The following RELN variants were observed in gnomAD, a reference collection of about 807,000 sequenced individuals.
RELN encodes the protein reelin.
RELN carries 108 observed loss-of-function variants against 427.6 expected under a neutral mutation model. The observed-to-expected ratio is 0.25, with a 90% CI of 0.22 to 0.30. The LOEUF (loss-of-function observed/expected upper bound fraction) is 0.30. RELN is among the 10% of genes least tolerant of loss of function. RELN has a pLI of 1.00. For synonymous variants in RELN, 1,524 were observed against 1,513.4 expected (o/e 1.01, Z -0.16); for missense variants, 3,715 against 4,302.8 (o/e 0.86, Z 3.82).
intron 28 of RELN, among the ~76,000 whole-genome samples, chr7:103,582,772 G>A (rs1053547931): frequency 2.6e-5 from 4 of 152,224 alleles, no homozygotes; most frequent in Non-Finnish European, 4.4e-5. Flanking sequence ...AGAACTTTAT[G>A]AATAAGACAC....
At position 103,617,558 on chromosome 7, in the gene RELN, G is replaced by GTA. The variant is rs886385279; in HGVS notation, c.2703-5757_2703-5756dup. 6.0e-5 allele frequency among the ~76,000 whole-genome samples: 9 copies of GTA among 151,174 alleles called. No homozygotes were observed. In the East Asian group the frequency reaches 9.7e-4, roughly 16 times the overall value. On this transcript the variant is annotated intron_variant, in intron 20 of 64. Coordinates refer to ENST00000428762, the MANE Select transcript of RELN (RefSeq NM_005045.4). Reference sequence around the variant, plus strand: ...TATGTGTATATATGTGTAGATATATGTATATATATGTGTGTATATATATTC... The same window carrying GTA: ...TATGTGTATATATGTGTAGATATATGTATATATATATGTGTGTATATATATTC...
chr7:103,650,141 G>T lies in RELN; in HGVS notation c.2002+133C>A. The T allele has an allele frequency of 7.0e-6, 5 of 716,562 alleles. No individual in the cohort carries two copies. In the East Asian group the frequency reaches 1.3e-4, roughly 19 times the overall value. 44.4% of individuals were successfully genotyped at this position (716,562 alleles called of 1,614,324 possible). On this transcript the variant is annotated intron_variant, in intron 16 of 64. Coordinates refer to ENST00000428762, the MANE Select transcript of RELN (RefSeq NM_005045.4). ...TAGGCTTCTAACAGAATGCAAAGGA[G>T]AAATGGAAGAAAGGGTGTTTAATGA...
In RELN at chr7:103,953,879, T is replaced by C. The variant is rs1014390002; in HGVS notation, c.226+35252A>G. ...CCCAGGAGGCAGAGGCTGCAATGAG[T>C]CAAGACCGTGCCACTACATGCCAGG... On this transcript the variant is annotated intron_variant, in intron 1 of 64. Transcript: ENST00000428762. The surrounding 1 kb of genome is among the most constrained non-coding windows in gnomAD (Gnocchi z 4.3). 6.7e-6 allele frequency among the ~76,000 whole-genome samples: 1 copy of C among 149,936 alleles called. No individual in the cohort carries two copies. The highest frequency in any genetic ancestry group is 1.5e-5 in the Non-Finnish European group (1 of 67,428).
At chr7:103,538,873 C>T (rs532152972) in intron 45 of RELN, among the ~76,000 whole-genome samples, 1 of 152,276 alleles carries the variant, frequency 6.6e-6, no homozygotes, top group South Asian at 2.1e-4. Flanking sequence ...AATAAGCTCA[C>T]ATTCTATTGC....
At position 103,603,193 on chromosome 7, in the gene RELN, G is replaced by T; in HGVS notation, c.3333+111C>A. 1 of 891,544 alleles carries T rather than the reference G, an allele frequency of 1.1e-6. No individual in the cohort carries two copies. The highest frequency in any genetic ancestry group is 1.9e-6 in the Non-Finnish European group (1 of 529,614). 55.2% of individuals were successfully genotyped at this position (891,544 alleles called of 1,614,324 possible). Reference sequence around the variant, plus strand: ...GGAATTTGATAGAGCCCACTCAAAAGCGGGGAACGTGGGGAACAATAGAAC... The same window carrying T: ...GGAATTTGATAGAGCCCACTCAAAATCGGGGAACGTGGGGAACAATAGAAC... On this transcript the variant is annotated intron_variant, in intron 24 of 64. Transcript: ENST00000428762. The surrounding 1 kb of genome is among the most constrained non-coding windows in gnomAD (Gnocchi z 4.3).
intron 41 of RELN, among the ~76,000 whole-genome samples, chr7:103,550,682 T>C (rs1274353965): frequency 6.7e-6 from 1 of 149,984 alleles, no homozygotes; most frequent in Non-Finnish European, 1.5e-5. Flanking sequence ...CTATATACAC[T>C]CTCCCTGCAT....
Position 103,636,480 on chromosome 7 carries a change from A to G in RELN, c.2070-12T>C, listed in dbSNP as rs751212996. 6.5e-7 allele frequency: 1 copy of G among 1,544,052 alleles called. No homozygotes were observed. Among genetic ancestry groups the G allele is most frequent in the Non-Finnish European group, 8.9e-7 (1 of 1,117,534 alleles). ...ATCCAGGGTCACACCTGAAAGAAAT[A>G]TGGTGAAATTAAATCTTAAACTGTT... On this transcript the variant is annotated splice_polypyrimidine_tract_variant and intron_variant, in intron 17 of 64. Transcript: ENST00000428762.
At chr7:103,679,940 C>T (rs1264746310) in intron 11 of RELN, among the ~76,000 whole-genome samples, 1 of 152,126 alleles carries the variant, frequency 6.6e-6, no homozygotes, top group Non-Finnish European at 1.5e-5. Flanking sequence ...CAAGTCTCCA[C>T]AAGTGTTACT....
chr7:103,746,459 C>T (rs1790834253), intron 6 of RELN, among the ~76,000 whole-genome samples: 1 of 151,768 alleles, frequency 6.6e-6, no homozygotes. Flanking sequence ...GCAAAAGAAA[C>T]TACTATCAGA....
chr7:103,940,243 G>T (rs187015373), intron 1 of RELN, among the ~76,000 whole-genome samples: 1 of 152,150 alleles, frequency 6.6e-6, no homozygotes, highest in Admixed American at 6.6e-5. Flanking sequence ...GTTGCCTAGG[G>T]CTACATGACC....
chr7:103,765,376 A>T (rs1210834403), intron 4 of RELN, among the ~76,000 whole-genome samples: 1 of 152,106 alleles, frequency 6.6e-6, no homozygotes, highest in Admixed American at 6.6e-5. Context: ...TAACAATGGG[A>T]TGGGAGACTG....
At position 103,481,130 on chromosome 7, in the gene RELN, C is replaced by T. The variant is rs185574719; in HGVS notation, c.10280+1743G>A. Among the ~76,000 whole-genome samples the T allele has an allele frequency of 9.5e-4, 144 of 152,286 alleles. 1 individual carries two copies. Among genetic ancestry groups the T allele is most frequent in the Non-Finnish European group, 1.3e-3 (87 of 68,022 alleles). Reference sequence around the variant, plus strand: ...CCAATATGTGAAGGGGTTGCTTTTACACTGGCTGGTATATTGGTGCCTCTG... The same window carrying T: ...CCAATATGTGAAGGGGTTGCTTTTATACTGGCTGGTATATTGGTGCCTCTG... On this transcript the variant is annotated intron_variant, in intron 63 of 64. Coordinates refer to ENST00000428762, the MANE Select transcript of RELN (RefSeq NM_005045.4).
intron 11 of RELN, among the ~76,000 whole-genome samples, chr7:103,669,527 C>G (rs1833344654): frequency 6.6e-6 from 1 of 152,142 alleles, no homozygotes. Context: ...TCCCAATTTA[C>G]AAGGTCACAA....
At chr7:103,787,943 C>T (rs1226159288) in intron 3 of RELN, among the ~76,000 whole-genome samples, 2 of 152,168 alleles carry the variant, frequency 1.3e-5, no homozygotes, top group African/African-American at 4.8e-5. Context: ...CAATAAAATA[C>T]TGGCAAACCG....
At chr7:103,886,989 G>A (rs1314884729) in intron 2 of RELN, among the ~76,000 whole-genome samples, 1 of 152,120 alleles carries the variant, frequency 6.6e-6, no homozygotes, top group East Asian at 1.9e-4. Flanking sequence ...CCAGCACAAA[G>A]TGATTTTCTG....
chr7:103,851,468 C>A (rs955217417), intron 2 of RELN, among the ~76,000 whole-genome samples: 1 of 152,020 alleles, frequency 6.6e-6, no homozygotes, highest in Non-Finnish European at 1.5e-5. Context: ...CCACTTGTAC[C>A]CCATTAATTT....
chr7:103,494,393 G>GTGTGTGTGTGT (rs60783765), intron 57 of RELN, among the ~76,000 whole-genome samples: 1 of 150,874 alleles, frequency 6.6e-6, no homozygotes, highest in Non-Finnish European at 1.5e-5. Flanking sequence ...GTGTGTGTGT[G>GTGTGTGTGTGT]GGATATGGTC....
rs545672142 is a variant in RELN, at chr7:103,708,612, C to A, written c.806-7606G>T. Among the ~76,000 whole-genome samples, 11 of 151,772 alleles carry A rather than the reference C, an allele frequency of 7.2e-5. No homozygotes were observed. The South Asian group carries it at 1.5e-3, about 20-fold the overall frequency. On this transcript the variant is annotated intron_variant, in intron 8 of 64. Transcript: ENST00000428762. ...CCAAGTAGCTGGGACTACAGGCGCCCGCCAACACGCCCGGCTAATTTTTTG... is the reference window on the plus strand; with the variant it reads ...CCAAGTAGCTGGGACTACAGGCGCCAGCCAACACGCCCGGCTAATTTTTTG...
chr7:103,586,657 T>G (rs1054774277), intron 28 of RELN, among the ~76,000 whole-genome samples: 2 of 152,114 alleles, frequency 1.3e-5, no homozygotes, highest in Non-Finnish European at 2.9e-5. Context: ...TCCAAAAAAC[T>G]CCTAGACTTG....
Sources: allele counts gnomAD v4.1 joint callset (sites outside exome capture counted in the v4.1 genomes callset), GRCh38; gene constraint gnomAD v4.1.1; non-coding constraint Gnocchi (gnomAD v3.1); transcripts MANE v1.5; gene names NCBI Gene and HGNC (gene_info 2026-07-23, HGNC 2026-07-21).